NBAS: variants seen among roughly 807,000 people sequenced by gnomAD.
The protein encoded by NBAS is NBAS subunit of NRZ tethering complex, also known as NAG/BC035112 fusion.
NBAS carries 219 observed loss-of-function variants against 302.5 expected under a neutral mutation model. That is an observed-to-expected ratio of 0.72 (90% confidence interval 0.65 to 0.81). The LOEUF is 0.81. Ranked by LOEUF, NBAS falls within the 30% of genes least tolerant of loss-of-function variation. The pLI is 0.00. For missense variants in NBAS, 2,932 were observed against 2,841.6 expected (o/e 1.03, Z -0.72); for synonymous variants, 1,118 against 1,021.6 (o/e 1.09, Z -1.80).
At chr2:15,538,462 C>T (rs2148687853) in intron 7 of NBAS, 1 of 296,228 alleles carries the variant, frequency 3.4e-6, no homozygotes, top group Middle Eastern at 4.6e-4. Flanking sequence ...AATATTAATA[C>T]CCAGGCCCCA....
chr2:15,230,567 G>A (rs1667340997), intron 47 of NBAS, among the ~76,000 whole-genome samples: 4 of 152,118 alleles, frequency 2.6e-5, no homozygotes, highest in Admixed American at 2.6e-4. Flanking sequence ...GGATTCTTCT[G>A]TAAACGTGGC....
At chr2:15,317,768 T>C (rs758988095) in intron 38 of NBAS, among the ~76,000 whole-genome samples, 37 of 152,146 alleles carry the variant, frequency 2.4e-4, no homozygotes, top group Non-Finnish European at 4.3e-4. Flanking sequence ...AAATCTACGT[T>C]TGATTGGTGT....
At chr2:15,222,322 C>G (rs959413640) in intron 47 of NBAS, among the ~76,000 whole-genome samples, 2 of 152,184 alleles carry the variant, frequency 1.3e-5, no homozygotes, top group Non-Finnish European at 2.9e-5. Context: ...TAATTTAAAG[C>G]CCATTTCTGA....
chr2:15,228,963 G>A (rs148180132), intron 47 of NBAS, among the ~76,000 whole-genome samples: 1 of 152,268 alleles, frequency 6.6e-6, no homozygotes, highest in African/African-American at 2.4e-5. Context: ...ATCGCTAGAA[G>A]AATTTGAATG....
At chr2:15,230,840 T>C (rs1667353870) in intron 47 of NBAS, among the ~76,000 whole-genome samples, 1 of 152,080 alleles carries the variant, frequency 6.6e-6, no homozygotes, top group Admixed American at 6.6e-5. Flanking sequence ...GGAGGGTAAG[T>C]GTTTCCCACG....
Position 15,533,289 on chromosome 2 carries a change from T to C in NBAS, c.746+1254A>G, listed in dbSNP as rs562426673. On this transcript the variant is annotated intron_variant, in intron 9 of 51. Transcript: ENST00000281513. ...CTAGTTACATATCCTATAGAAACTT[T>C]TGAACATATATATCAGAAGAATGCA... 2.6e-4 allele frequency among the ~76,000 whole-genome samples: 39 copies of C among 152,294 alleles called. No homozygotes were observed. In the South Asian group the frequency reaches 7.1e-3, roughly 28 times the overall value.
the NBAS span, among the ~76,000 whole-genome samples, chr2:15,016,874 T>C: frequency 6.6e-6 from 1 of 152,126 alleles, no homozygotes. Flanking sequence ...ATAGTAGGTG[T>C]ATATACTTAT....
intron 23 of NBAS, among the ~76,000 whole-genome samples, chr2:15,417,934 G>A (rs1037936672): frequency 1.6e-4 from 24 of 151,722 alleles, no homozygotes; most frequent in African/African-American, 4.9e-4. Flanking sequence ...CAAGAAATAC[G>A]GAAGAGAAAG....
chr2:14,955,121 A>T, the NBAS span, among the ~76,000 whole-genome samples: 2 of 152,234 alleles, frequency 1.3e-5, no homozygotes, highest in Non-Finnish European at 2.9e-5. Context: ...CCTATTCCAA[A>T]TGGGAGAAAT....
At chr2:14,933,891 G>A in the NBAS span, among the ~76,000 whole-genome samples, 1 of 152,144 alleles carries the variant, frequency 6.6e-6, no homozygotes, top group African/African-American at 2.4e-5. Flanking sequence ...GCTCATTGGT[G>A]TAATATGCAC....
the NBAS span, among the ~76,000 whole-genome samples, chr2:15,036,862 A>G: frequency 7.2e-5 from 11 of 152,210 alleles, no homozygotes; most frequent in Admixed American, 6.5e-4. Flanking sequence ...GATGTAGAGG[A>G]CACAAAGTAT....
At chr2:15,046,634 T>C in the NBAS span, among the ~76,000 whole-genome samples, 1 of 152,340 alleles carries the variant, frequency 6.6e-6, no homozygotes, top group African/African-American at 2.4e-5. Flanking sequence ...ACTTTAATAC[T>C]AAGAGTGGTT....
chr2:15,066,247 G>C, the NBAS span, among the ~76,000 whole-genome samples: 1 of 152,076 alleles, frequency 6.6e-6, no homozygotes, highest in Non-Finnish European at 1.5e-5. Flanking sequence ...ATGGATTAAT[G>C]ATTTATACTT....
chr2:15,353,190 A>G (rs191620383), intron 34 of NBAS, among the ~76,000 whole-genome samples: 59 of 152,244 alleles, frequency 3.9e-4, no homozygotes, highest in Non-Finnish European at 6.8e-4. Flanking sequence ...AAGGATCCCT[A>G]AGGGAATGGT....
In NBAS at chr2:15,352,075, A is replaced by G; in HGVS notation, c.4096T>C (p.Tyr1366His). 1 of 1,604,760 alleles carries G rather than the reference A, an allele frequency of 6.2e-7. No homozygotes were observed. Residue 1366 changes from tyrosine to histidine, a missense_variant, in exon 35 of 52, where the codon TAT becomes CAT. Transcript: ENST00000281513. ...ASSSLQTEILYQRVNFQIHHE... is the reference protein window; with the variant it reads ...ASSSLQTEILHQRVNFQIHHE... ...TGGATCTGGAAATTCACTCTTTGATAAAGAATCTAAAACAAGAATAGGCTA... is the reference window on the plus strand; with the variant it reads ...TGGATCTGGAAATTCACTCTTTGATGAAGAATCTAAAACAAGAATAGGCTA...
chr2:14,818,918 C>A, the NBAS span, among the ~76,000 whole-genome samples: 140 of 152,320 alleles, frequency 9.2e-4, 2 homozygotes, highest in South Asian at 0.019. Flanking sequence ...CTGGAAAACC[C>A]TTTCCTACTA....
chr2:14,785,270 C>G, the NBAS span, among the ~76,000 whole-genome samples: 58 of 152,082 alleles, frequency 3.8e-4, no homozygotes, highest in Non-Finnish European at 5.0e-4. Flanking sequence ...TGCAAACAGG[C>G]ACAATTTGAC....
chr2:15,167,602 C>T (rs968267079), intron 51 of NBAS, among the ~76,000 whole-genome samples: 6 of 152,316 alleles, frequency 3.9e-5, no homozygotes, highest in African/African-American at 1.4e-4. Flanking sequence ...ACCAGCATCT[C>T]TTCACCAAGG....
At chr2:15,316,085 G>A (rs888636) in intron 38 of NBAS, among the ~76,000 whole-genome samples, 82,932 of 152,054 alleles carry the variant, frequency 0.55, 24,214 homozygotes, top group East Asian at 0.85. Flanking sequence ...TTACATGGAC[G>A]TTGCCATTAA....
Sources: allele counts gnomAD v4.1 joint callset (sites outside exome capture counted in the v4.1 genomes callset), GRCh38; gene constraint gnomAD v4.1.1; transcripts MANE v1.5; gene names NCBI Gene and HGNC (gene_info 2026-07-23, HGNC 2026-07-21).